The following ITSN2 variants were observed in gnomAD, a reference collection of about 807,000 sequenced individuals.
ITSN2 encodes the protein intersectin 2.
ITSN2 carries 156 observed loss-of-function variants against 243.7 expected under a neutral mutation model. The observed-to-expected ratio is 0.64, with a 90% CI of 0.56 to 0.73. The LOEUF is 0.73. Among genes scored for constraint, ITSN2 ranks in the 30% least tolerant of loss-of-function variants. The pLI, the probability that ITSN2 is intolerant of heterozygous loss-of-function variation, is 0.00. For missense variants in ITSN2, 1,801 were observed against 1,996.1 expected (o/e 0.90, Z 1.86); for synonymous variants, 703 against 699.9 (o/e 1.00, Z -0.07).
At chr2:24,281,915 C>T (rs935433393) in intron 17 of ITSN2, among the ~76,000 whole-genome samples, 6 of 152,224 alleles carry the variant, frequency 3.9e-5, no homozygotes, top group Admixed American at 3.9e-4. Context: ...TCATGTCCTC[C>T]TCTACCCAGG....
rs1677317765 is a variant in ITSN2 at position 24,271,338 on chromosome 2, C to T, written c.2257+428G>A. Reference sequence around the variant, plus strand: ...CTTATAAAATTTCAACAAACTGTATCATTAATAATGATTCAAAGGGTTCAT... The same window carrying T: ...CTTATAAAATTTCAACAAACTGTATTATTAATAATGATTCAAAGGGTTCAT... On this transcript the variant is annotated intron_variant, in intron 19 of 39. Transcript: ENST00000355123. Among the ~76,000 whole-genome samples, 3 of 152,042 alleles carry T rather than the reference C, an allele frequency of 2.0e-5. No homozygotes were observed. The South Asian group carries it at 6.2e-4, about 32-fold the overall frequency.
At chr2:24,279,964 T>C (rs1678558469) in intron 17 of ITSN2, among the ~76,000 whole-genome samples, 1 of 151,888 alleles carries the variant, frequency 6.6e-6, no homozygotes, top group Non-Finnish European at 1.5e-5. Context: ...GAACTCCTGA[T>C]CTCATGATCC....
chr2:24,304,307 C>G (rs1682202076), intron 8 of ITSN2, among the ~76,000 whole-genome samples: 1 of 152,176 alleles, frequency 6.6e-6, no homozygotes, highest in Admixed American at 6.5e-5. Context: ...AACTCTTACA[C>G]AAGAGATTAC....
At chr2:24,272,211 A>C (rs1677450211) in intron 18 of ITSN2, among the ~76,000 whole-genome samples, 1 of 152,122 alleles carries the variant, frequency 6.6e-6, no homozygotes, top group South Asian at 2.1e-4. Context: ...CCTGCTAACC[A>C]ACCTCCAAAC....
At chr2:24,302,825 C>G (rs767785212) in intron 9 of ITSN2, among the ~76,000 whole-genome samples, 14 of 152,120 alleles carry the variant, frequency 9.2e-5, no homozygotes, top group Non-Finnish European at 1.9e-4. Flanking sequence ...TGAAAGAAAA[C>G]AACAGTTTTT....
intron 8 of ITSN2, among the ~76,000 whole-genome samples, chr2:24,306,136 C>G (rs536643185): frequency 2.2e-4 from 33 of 152,224 alleles, no homozygotes; most frequent in African/African-American, 7.2e-4. Flanking sequence ...TCCACCACCA[C>G]GCCTGGTTAA....
At position 24,252,328 on chromosome 2, in the gene ITSN2, T is replaced by C. The variant is rs1674450424; in HGVS notation, c.3120+17A>G. The C allele has an allele frequency of 6.3e-7, 1 of 1,582,038 alleles. No individual in the cohort carries two copies. The highest frequency in any genetic ancestry group is 8.7e-7 in the Non-Finnish European group (1 of 1,154,670). On this transcript the variant is annotated intron_variant, in intron 25 of 39. Coordinates refer to ENST00000355123, the MANE Select transcript of ITSN2 (RefSeq NM_006277.3). ...AACCTGATTAACCAGAATGGGTTGA[T>C]TTTAATATCAAAATACCTCTTGATC... is the stretch of plus-strand genomic sequence containing the variant.
Position 24,270,759 on chromosome 2 carries a change from G to C in ITSN2, c.2267C>G (p.Ala756Gly). The stretch of plus-strand genomic sequence containing the variant: ...TGCTCTATAATTCACCAAAACACTA[G>C]CTGTCTCACCTAAAGAGAAGACAAT... ...LKAEEKKRET[A>G]SVLVNYRALY... The change falls in exon 20 of 40, where the codon GCT becomes GGT. Residue 756 changes from alanine (A) to glycine (G), a missense_variant. Physicochemically the swap from Ala to Gly is moderately conservative, Grantham distance 60 (BLOSUM62 0). This residue lies in a region of ITSN2 where 787 missense variants were observed against 803.9 expected (regional missense o/e 0.98). Coordinates refer to ENST00000355123, the MANE Select transcript of ITSN2 (RefSeq NM_006277.3). 1.3e-6 allele frequency: 2 copies of C among 1,566,820 alleles called. No individual in the cohort carries two copies. Among genetic ancestry groups the C allele is most frequent in the Non-Finnish European group, 1.8e-6 (2 of 1,140,684 alleles).
At chr2:24,207,861 G>A (rs867392377) in intron 37 of ITSN2, among the ~76,000 whole-genome samples, 1 of 151,846 alleles carries the variant, frequency 6.6e-6, no homozygotes, top group African/African-American at 2.4e-5. Context: ...AGGAGGGTGA[G>A]GAGGAGCAGT....
chr2:24,343,238 A>AT (rs1233093612), intron 1 of ITSN2, among the ~76,000 whole-genome samples: 4 of 152,106 alleles, frequency 2.6e-5, no homozygotes, highest in Non-Finnish European at 4.4e-5. Flanking sequence ...AACATTAAAA[A>AT]ATATATATAT....
chr2:24,335,763 C>G (rs886276065), intron 1 of ITSN2, among the ~76,000 whole-genome samples: 3 of 151,856 alleles, frequency 2.0e-5, no homozygotes, highest in African/African-American at 7.3e-5. Context: ...CTCAGCCTCC[C>G]GAGTAGCTGG....
At position 24,257,906 on chromosome 2, in the gene ITSN2, C is replaced by T. The variant is rs1374782848; in HGVS notation, c.2870G>A (p.Ser957Asn). 1.2e-6 allele frequency: 2 copies of T among 1,613,566 alleles called. No homozygotes were observed. Among genetic ancestry groups the T allele is most frequent in the African/African-American group, 1.3e-5 (1 of 74,932 alleles). ...PKSYVKIIPG[S>N]EVKREEPEAL... ...TGCTTACTCTTCCCGTTTTACTTCA[C>T]TCCCAGGAATGATCTTGACATAAGA... The change falls in exon 23 of 40, where the codon AGT becomes AAT. Residue 957 changes from serine to asparagine, a missense_variant. Ser to Asn is a conservative substitution (Grantham distance 46). Around this residue, in one of 5 missense-constraint regions of ITSN2, gnomAD observed 928 missense variants for 1,065.4 expected, o/e 0.87. Coordinates refer to ENST00000355123, the MANE Select transcript of ITSN2 (RefSeq NM_006277.3).
In ITSN2 at chr2:24,278,374, CAG is replaced by C. The variant is rs545913787; in HGVS notation, c.1945-2527_1945-2526del. 5.3e-5 allele frequency among the ~76,000 whole-genome samples: 8 copies of C among 152,260 alleles called. No individual in the cohort carries two copies. In the South Asian group the frequency reaches 1.0e-3, roughly 20 times the overall value. ...CTTTCATCAAGGTGTCTCCAGCCAA[CAG>C]AGAGTCTAGTACAACATGGATATTT... On this transcript the variant is annotated intron_variant, in intron 17 of 39. Coordinates refer to ENST00000355123, the MANE Select transcript of ITSN2 (RefSeq NM_006277.3).
At chr2:24,221,143 C>T in intron 29 of ITSN2, 77 bp from the exon 30 acceptor site, 1 of 1,475,878 alleles carries the variant, frequency 6.8e-7, no homozygotes, top group East Asian at 2.4e-5. Context: ...AGCAGATGTG[C>T]TGGGTTTACA....
At chr2:24,270,336 C>G (rs1268609706) in intron 20 of ITSN2, among the ~76,000 whole-genome samples, 1 of 152,322 alleles carries the variant, frequency 6.6e-6, no homozygotes, top group African/African-American at 2.4e-5. Context: ...GCTGTGGAAT[C>G]TAACTCCTTC....
chr2:24,252,048 T>C (rs545978664), intron 25 of ITSN2, among the ~76,000 whole-genome samples: 1 of 152,302 alleles, frequency 6.6e-6, no homozygotes, highest in Non-Finnish European at 1.5e-5. Flanking sequence ...TTTCTCTGAA[T>C]CCAGATCTAC....
chr2:24,327,949 A>T, intron 2 of ITSN2, 103 bp downstream of exon 2: 1 of 1,045,964 alleles, frequency 9.6e-7, no homozygotes. Context: ...CAAGTTTTGT[A>T]TTTATACACT....
chr2:24,360,529 C>T lies in ITSN2; in HGVS notation c.-259G>A, dbSNP rs12617394. 149,013 of 152,374 alleles carry T rather than the reference C, an allele frequency of 0.98. 72,859 individuals are homozygous for T. Among genetic ancestry groups the T allele is most frequent in the East Asian group, 0.99 (5,116 of 5,158 alleles). 9.4% of individuals were successfully genotyped at this position (152,374 alleles called of 1,614,324 possible). ...CAGCCCCACAACAACATGGCGGCCG[C>T]GGCCTCCGCAGGAAGCCGGGGGGCG... On this transcript the variant is annotated 5_prime_UTR_variant, in exon 1 of 40. Coordinates refer to ENST00000355123, the MANE Select transcript of ITSN2 (RefSeq NM_006277.3).
chr2:24,354,140 T>G (rs1688250699), intron 1 of ITSN2, among the ~76,000 whole-genome samples: 1 of 152,264 alleles, frequency 6.6e-6, no homozygotes. Context: ...CATGTTATCA[T>G]GGTTACCTCA....
Sources: gnomAD v4.1 joint callset for allele counts (sites outside exome capture counted in the v4.1 genomes callset) on GRCh38, gnomAD v4.1.1 for gene constraint, gnomAD v4.1.1 regional missense constraint, MANE v1.5 for transcripts, NCBI Gene and HGNC (gene_info 2026-07-23, HGNC 2026-07-21) for gene names.